Variants in NDUFA3 observed in about 807,000 individuals in gnomAD.
NDUFA3 encodes NADH:ubiquinone oxidoreductase subunit A3.
A neutral mutation model predicts 11.4 loss-of-function variants in NDUFA3; 10 were observed. That is an observed-to-expected ratio of 0.87 (90% confidence interval 0.54 to 1.48). The LOEUF (loss-of-function observed/expected upper bound fraction) is 1.48. Ranked by LOEUF, NDUFA3 falls within the 40% of genes most tolerant of loss-of-function variation. The probability of loss-of-function intolerance (pLI) is 0.00; values close to 1 mark genes in which losing one functional copy is unlikely to be tolerated. For missense variants in NDUFA3, 115 were observed against 110.5 expected, an observed-to-expected ratio of 1.04 and a Z score of -0.18; for synonymous variants, 39 against 46.9, an observed-to-expected ratio of 0.83 and a Z score of 0.68.
At position 54,103,198 on chromosome 19, in the gene NDUFA3, T is replaced by C; in HGVS notation, c.85+10T>C. 6.3e-7 allele frequency: 1 copy of C among 1,586,568 alleles called. No individual in the cohort carries two copies. The highest frequency in any genetic ancestry group is 2.2e-5 in the East Asian group (1 of 44,472). ...GTCGTCGGGGGCCTCGGTGCGTGAG[T>C]GCTCCAGGCGCAAACTTGCATCGTC... On this transcript the variant is annotated intron_variant, in intron 2 of 3. Transcript: ENST00000485876.
rs370895615 is a variant in NDUFA3 at position 54,103,152 on chromosome 19, C to A, written c.49C>A (p.Pro17Thr). Residue 17 changes from proline (P) to threonine (T), a missense_variant, in exon 2 of 4, where the codon CCA becomes ACA. Transcript: ENST00000485876. ...CCTCAAGAATGCCTGGGACAAGGAGCCAGTGCTGGTCGTGTCCTTCGTCGT... is the reference window on the plus strand; with the variant it reads ...CCTCAAGAATGCCTGGGACAAGGAGACAGTGCTGGTCGTGTCCTTCGTCGT... Reference protein sequence around the residue: ...AFLKNAWDKEPVLVVSFVVGG... With the variant: ...AFLKNAWDKETVLVVSFVVGG... 1.9e-6 allele frequency: 3 copies of A among 1,609,110 alleles called. No homozygotes were observed. The highest frequency in any genetic ancestry group is 2.5e-6 in the Non-Finnish European group (3 of 1,176,808).
At position 54,105,264 on chromosome 19, in the gene NDUFA3, C is replaced by CCTT. The variant is rs1316415018; in HGVS notation, c.86-670_86-669insCTT. 1.7e-3 allele frequency among the ~76,000 whole-genome samples: 119 copies of CCTT among 71,256 alleles called. 13 individuals carry two copies. Among genetic ancestry groups the CCTT allele is most frequent in the Admixed American group, 2.4e-3 (12 of 4,972 alleles). 46.7% of individuals were successfully genotyped at this position (71,256 alleles called of 152,430 possible). Reference sequence around the variant, plus strand: ...ACCCTTTCTCCTCCAGTTTGTAAGGCTTTTTTTTTTTTTTTTTTTTTGGTG... The same window carrying CCTT: ...ACCCTTTCTCCTCCAGTTTGTAAGGCCTTTTTTTTTTTTTTTTTTTTTTTGGTG... On this transcript the variant is annotated intron_variant, in intron 2 of 3. Transcript: ENST00000485876.
intron 2 of NDUFA3, 170 bp from the exon 3 acceptor site, chr19:54,105,764 T>A: frequency 1.5e-6 from 1 of 688,848 alleles, no homozygotes; most frequent in Non-Finnish European, 2.7e-6. Flanking sequence ...TTTTAAACCC[T>A]CCTGTCTATA....
chr19:54,105,264 C>CCTTTT (rs1316415018), intron 2 of NDUFA3, among the ~76,000 whole-genome samples: 1,890 of 71,294 alleles, frequency 0.027, 263 homozygotes, highest in African/African-American at 0.082. Context: ...GTTTGTAAGG[C>CCTTTT]TTTTTTTTTT....
rs754951572 is a variant in NDUFA3, at chr19:54,103,182, G to T, written c.79G>T (p.Gly27Cys). Residue 27 changes from glycine (G) to cysteine (C), a missense_variant, in exon 2 of 4, where the codon GGC becomes TGC. Physicochemically the swap from Gly to Cys is radical, Grantham distance 159 (BLOSUM62 -3). Coordinates refer to ENST00000485876, the MANE Select transcript of NDUFA3 (RefSeq NM_004542.4). Reference sequence around the variant, plus strand: ...GCTGGTCGTGTCCTTCGTCGTCGGGGGCCTCGGTGCGTGAGTGCTCCAGGC... The same window carrying T: ...GCTGGTCGTGTCCTTCGTCGTCGGGTGCCTCGGTGCGTGAGTGCTCCAGGC... The part of the protein sequence containing the change: ...PVLVVSFVVG[G>C]LAVILPPLSP... 6.3e-7 allele frequency: 1 copy of T among 1,597,274 alleles called. No homozygotes were observed. The highest frequency in any genetic ancestry group is 1.1e-5 in the South Asian group (1 of 89,776).
intron 2 of NDUFA3, among the ~76,000 whole-genome samples, chr19:54,104,813 A>G (rs927748445): frequency 6.6e-6 from 1 of 151,594 alleles, no homozygotes; most frequent in Non-Finnish European, 1.5e-5. Context: ...ATCTCGGCTC[A>G]CTGCAACCTC....
intron 2 of NDUFA3, 69 bp downstream of exon 2, chr19:54,103,257 C>A: frequency 8.2e-6 from 12 of 1,457,986 alleles, no homozygotes; most frequent in Non-Finnish European, 1.0e-5. Context: ...CCATCTTGTA[C>A]CCCTAAAGCC....
Position 54,107,412 on chromosome 19 carries a change from A to C in NDUFA3, c.*510A>C. ...TACAGGCACTTGCCAACCAAGCCTA[A>C]CATGTTTTTTCTTTTTGGTAGAGAT... is the stretch of plus-strand genomic sequence containing the variant. On this transcript the variant is annotated 3_prime_UTR_variant, in exon 4 of 4. Transcript: ENST00000485876. The C allele has an allele frequency of 1.9e-6, 1 of 535,688 alleles. No homozygotes were observed. The highest frequency in any genetic ancestry group is 3.3e-6 in the Non-Finnish European group (1 of 305,148). The allele number at this position is 535,688 out of a possible 1,614,324, so 33.2% of individuals were successfully genotyped here. A position where few individuals can be genotyped will look rare whatever the true frequency, so the allele number is the denominator to read the frequency against.
At chr19:54,106,088 T>G (rs774214652) in intron 3 of NDUFA3, 77 bp downstream of exon 3, 4 of 1,410,178 alleles carry the variant, frequency 2.8e-6, no homozygotes, top group African/African-American at 1.4e-5. Context: ...TATGGGCAGG[T>G]CTTTCCTAAG....
At position 54,105,698 on chromosome 19, in the gene NDUFA3, G is replaced by A. The variant is rs587607510; in HGVS notation, c.86-236G>A. On this transcript the variant is annotated intron_variant, in intron 2 of 3. Transcript: ENST00000485876. ...CACTGCTGCCTCCTCCAGGCCCCAC[G>A]TATCTGTGAGTGTTAGGCTCCAACC... 36 of 689,068 alleles carry A rather than the reference G, an allele frequency of 5.2e-5. No individual in the cohort carries two copies. The East Asian group carries it at 6.6e-4, about 13-fold the overall frequency. The allele number at this position is 689,068 out of a possible 1,614,324, so 42.7% of individuals were successfully genotyped here.
intron 2 of NDUFA3, chr19:54,105,700 A>G (rs1443499827): frequency 1.4e-6 from 1 of 691,268 alleles, no homozygotes; most frequent in East Asian, 2.8e-5. Context: ...GGCCCCACGT[A>G]TCTGTGAGTG....
At chr19:54,103,743 A>G (rs2073166413) in intron 2 of NDUFA3, among the ~76,000 whole-genome samples, 1 of 151,956 alleles carries the variant, frequency 6.6e-6, no homozygotes, top group Admixed American at 6.6e-5. Flanking sequence ...CAGTGGCGCG[A>G]TCCCGGCTCA....
At chr19:54,103,688 C>T (rs2073163376) in intron 2 of NDUFA3, among the ~76,000 whole-genome samples, 1 of 148,074 alleles carries the variant, frequency 6.8e-6, no homozygotes. Flanking sequence ...TAAAATGTAG[C>T]TTTTTTTTTT....
At chr19:54,106,102 T>C (rs767591498) in intron 3 of NDUFA3, 91 bp downstream of exon 3, 1 of 1,270,314 alleles carries the variant, frequency 7.9e-7, no homozygotes, top group Non-Finnish European at 1.1e-6. Context: ...TCCTAAGCAG[T>C]TATCAGAGAT....
At chr19:54,103,598 T>C (rs1365708904) in intron 2 of NDUFA3, among the ~76,000 whole-genome samples, 2 of 152,132 alleles carry the variant, frequency 1.3e-5, no homozygotes, top group East Asian at 1.9e-4. Flanking sequence ...ATTGAAAATC[T>C]CTGCCCTCTG....
At chr19:54,104,819 A>T (rs2146337165) in intron 2 of NDUFA3, among the ~76,000 whole-genome samples, 1 of 151,320 alleles carries the variant, frequency 6.6e-6, no homozygotes, top group African/African-American at 2.4e-5. Context: ...GCTCACTGCA[A>T]CCTCCGCCTC....
At chr19:54,106,249 A>C in intron 3 of NDUFA3, 1 of 543,468 alleles carries the variant, frequency 1.8e-6, no homozygotes, top group Non-Finnish European at 3.3e-6. Flanking sequence ...CCAAGGCTGG[A>C]GTGCAGTGGC....
intron 2 of NDUFA3, chr19:54,105,672 C>T: frequency 1.5e-6 from 1 of 686,296 alleles, no homozygotes; most frequent in East Asian, 2.9e-5. Context: ...ATGACCAACC[C>T]CACTGCTGCC....
rs1337840527 is a variant in NDUFA3, at chr19:54,103,144, AC to A, written c.42del (p.Asp14GlufsTer17). 6.2e-7 allele frequency: 1 copy of A among 1,611,250 alleles called. No individual in the cohort carries two copies. The highest frequency in any genetic ancestry group is 1.3e-5 in the African/African-American group (1 of 74,814). On this transcript the variant is annotated frameshift_variant, in exon 2 of 4. Transcript: ENST00000485876. LOFTEE classifies it high-confidence loss of function. ...GGCGCCTTCCTCAAGAATGCCTGGGACAAGGAGCCAGTGCTGGTCGTGTCCT... is the reference window on the plus strand; with the variant it reads ...GGCGCCTTCCTCAAGAATGCCTGGGAAAGGAGCCAGTGCTGGTCGTGTCCT... ...RVGAFLKNAW[D>X]KEPVLVVSFV...
Sources: gnomAD v4.1 joint callset for allele counts (sites outside exome capture counted in the v4.1 genomes callset) on GRCh38, gnomAD v4.1.1 for gene constraint, MANE v1.5 for transcripts, NCBI Gene and HGNC (gene_info 2026-07-23, HGNC 2026-07-21) for gene names.